Variants in PANK3 observed in about 807,000 individuals in gnomAD.
The protein encoded by PANK3 is hPanK3.
PANK3 carries 20 observed loss-of-function variants against 39.4 expected under a neutral mutation model. The ratio of observed to expected loss-of-function variants is 0.51; its 90% CI spans 0.36 to 0.74. The LOEUF (loss-of-function observed/expected upper bound fraction) is 0.74, where lower values mean the gene tolerates loss of function less well. Ranked by LOEUF, PANK3 falls within the 30% of genes least tolerant of loss-of-function variation. The pLI is 0.00. For synonymous variants in PANK3, 140 were observed against 157.3 expected (o/e 0.89, Z 0.82); for missense variants, 265 against 437.0 (o/e 0.61, Z 3.51).
intron 3 of PANK3, among the ~76,000 whole-genome samples, chr5:168,564,501 A>G (rs767786993): frequency 6.6e-5 from 10 of 152,196 alleles, no homozygotes; most frequent in Non-Finnish European, 1.5e-4. Flanking sequence ...GACCATGATC[A>G]TAGCCTAATG....
intron 6 of PANK3, among the ~76,000 whole-genome samples, chr5:168,558,706 A>G (rs922372302): frequency 1.3e-5 from 2 of 152,226 alleles, no homozygotes; most frequent in Non-Finnish European, 2.9e-5. Context: ...CGAAGGAACC[A>G]ATATTCTACT....
intron 1 of PANK3, among the ~76,000 whole-genome samples, chr5:168,574,027 A>C (rs552652056): frequency 2.0e-5 from 3 of 151,458 alleles, no homozygotes; most frequent in Non-Finnish European, 4.4e-5. Context: ...CTTTGGGTAT[A>C]CACCCAGTAA....
chr5:168,569,373 T>C (rs1759591244), intron 1 of PANK3, among the ~76,000 whole-genome samples: 1 of 151,276 alleles, frequency 6.6e-6, no homozygotes, highest in African/African-American at 2.4e-5. Context: ...TTTGTATTTT[T>C]AGTAGAGACG....
rs1453207868 is a variant in PANK3 at position 168,551,544 on chromosome 5, A to G, written c.*6027T>C. On this transcript the variant is annotated 3_prime_UTR_variant, in exon 7 of 7. Transcript: ENST00000239231. Reference sequence around the variant, plus strand: ...TATGAAAAAACTTTGCTTATAATATACAGAGTGGTTATAAAGAACATATGG... The same window carrying G: ...TATGAAAAAACTTTGCTTATAATATGCAGAGTGGTTATAAAGAACATATGG... The G allele has an allele frequency of 2.6e-5, 4 of 152,216 alleles. No individual in the cohort carries two copies. The highest frequency in any genetic ancestry group is 1.3e-4 in the Admixed American group (2 of 15,282). The allele number at this position is 152,216 out of a possible 1,614,324, so 9.4% of individuals were successfully genotyped here. A position where few individuals can be genotyped will look rare whatever the true frequency, so the allele number is the denominator to read the frequency against.
rs1329716317 is a variant in PANK3 at position 168,551,137 on chromosome 5, G to A, written c.*6434C>T. On this transcript the variant is annotated 3_prime_UTR_variant, in exon 7 of 7. Coordinates refer to ENST00000239231, the MANE Select transcript of PANK3 (RefSeq NM_024594.4). ...TTAGTGATTATTACTAGGCTCAGTA[G>A]AAACCAGAAGACAATTATTCTCTTA... 1 of 152,082 alleles carries A rather than the reference G, an allele frequency of 6.6e-6. No homozygotes were observed. Among genetic ancestry groups the A allele is most frequent in the Non-Finnish European group, 1.5e-5 (1 of 67,982 alleles). 9.4% of individuals were successfully genotyped at this position (152,082 alleles called of 1,614,324 possible). A position where few individuals can be genotyped will look rare whatever the true frequency, so the allele number is the denominator to read the frequency against.
chr5:168,569,525 G>A (rs532242393), intron 1 of PANK3, among the ~76,000 whole-genome samples: 3 of 152,114 alleles, frequency 2.0e-5, no homozygotes, highest in Admixed American at 6.5e-5. Context: ...TTCTAAAAAC[G>A]TATAGGGTGC....
chr5:168,552,896 G>A lies in PANK3; in HGVS notation c.*4675C>T, dbSNP rs1044050882. ...ACAACATTGATTCCAGAGAGCTACT[G>A]AGAGAGCTGGAGCATGATGGAAATG... On this transcript the variant is annotated 3_prime_UTR_variant, in exon 7 of 7. Coordinates refer to ENST00000239231, the MANE Select transcript of PANK3 (RefSeq NM_024594.4). The A allele has an allele frequency of 3.4e-5, 7 of 204,112 alleles. No individual in the cohort carries two copies. The highest frequency in any genetic ancestry group is 7.2e-5 in the Non-Finnish European group (7 of 97,244). 12.6% of individuals were successfully genotyped at this position (204,112 alleles called of 1,614,324 possible). A position where few individuals can be genotyped will look rare whatever the true frequency, so the allele number is the denominator to read the frequency against.
chr5:168,571,593 T>C (rs1365900690), intron 1 of PANK3, among the ~76,000 whole-genome samples: 2 of 152,218 alleles, frequency 1.3e-5, no homozygotes, highest in African/African-American at 4.8e-5. Flanking sequence ...GGCAACAAAA[T>C]ATATTTAACA....
chr5:168,563,026 A>G (rs1025829740), intron 4 of PANK3, among the ~76,000 whole-genome samples: 21 of 152,180 alleles, frequency 1.4e-4, no homozygotes, highest in Admixed American at 2.6e-4. Context: ...AAAAAAAACA[A>G]AAAACCTGAA....
At chr5:168,570,416 G>GAAAGA (rs1759610165) in intron 1 of PANK3, among the ~76,000 whole-genome samples, 1 of 149,826 alleles carries the variant, frequency 6.7e-6, no homozygotes, top group Non-Finnish European at 1.5e-5. Flanking sequence ...AAGAAAGAAA[G>GAAAGA]AAAGAAAATC....
chr5:168,558,671 C>A (rs1759392590), intron 6 of PANK3, among the ~76,000 whole-genome samples: 1 of 152,132 alleles, frequency 6.6e-6, no homozygotes, highest in Admixed American at 6.5e-5. Flanking sequence ...TATTGTAATT[C>A]TCTTCCCCAC....
At position 168,552,082 on chromosome 5, in the gene PANK3, C is replaced by G. The variant is rs1242262807; in HGVS notation, c.*5489G>C. The G allele has an allele frequency of 6.6e-6, 1 of 152,112 alleles. No homozygotes were observed. Among genetic ancestry groups the G allele is most frequent in the East Asian group, 1.9e-4 (1 of 5,190 alleles). 9.4% of individuals were successfully genotyped at this position (152,112 alleles called of 1,614,324 possible). A position where few individuals can be genotyped will look rare whatever the true frequency, so the allele number is the denominator to read the frequency against. On this transcript the variant is annotated 3_prime_UTR_variant, in exon 7 of 7. Transcript: ENST00000239231. ...GTGGTGGTGATGGGAAATTCTATAC[C>G]TTGTGTTGTTTGCCTAGCCTCACAG...
At chr5:168,572,406 C>T (rs187521222) in intron 1 of PANK3, among the ~76,000 whole-genome samples, 331 of 152,056 alleles carry the variant, frequency 2.2e-3, no homozygotes, top group African/African-American at 7.5e-3. Context: ...GGGCTAAGTC[C>T]GAAAAGAGAG....
chr5:168,550,110 T>A lies in PANK3; in HGVS notation c.*7461A>T, dbSNP rs576774561. The A allele has an allele frequency of 1.3e-5, 2 of 152,366 alleles. No individual in the cohort carries two copies. Among genetic ancestry groups the A allele is most frequent in the South Asian group, 4.1e-4 (2 of 4,832 alleles). 9.4% of individuals were successfully genotyped at this position (152,366 alleles called of 1,614,324 possible). A position where few individuals can be genotyped will look rare whatever the true frequency, so the allele number is the denominator to read the frequency against. On this transcript the variant is annotated 3_prime_UTR_variant, in exon 7 of 7. Coordinates refer to ENST00000239231, the MANE Select transcript of PANK3 (RefSeq NM_024594.4). ...TGGGGCAAAAGCAATACACATTCAG[T>A]TAAAAACTGTACTTCAAATTTTGTA... is the stretch of plus-strand genomic sequence containing the variant.
chr5:168,558,715 C>G (rs6877891), intron 6 of PANK3, among the ~76,000 whole-genome samples: 20,060 of 152,194 alleles, frequency 0.13, 1,776 homozygotes, highest in Non-Finnish European at 0.19. Flanking sequence ...CAATATTCTA[C>G]TACTTAAGGC....
chr5:168,563,602 A>G (rs1759478612), intron 4 of PANK3, among the ~76,000 whole-genome samples: 1 of 152,144 alleles, frequency 6.6e-6, no homozygotes, highest in Non-Finnish European at 1.5e-5. Context: ...ATAATGGTAG[A>G]TTACCTTTTG....
At position 168,557,885 on chromosome 5, in the gene PANK3, C is replaced by T. The variant is rs556615398; in HGVS notation, c.1063-264G>A. Among the ~76,000 whole-genome samples, 4 of 152,164 alleles carry T rather than the reference C, an allele frequency of 2.6e-5. No individual in the cohort carries two copies. The East Asian group carries it at 7.7e-4, about 29-fold the overall frequency. On this transcript the variant is annotated intron_variant, in intron 6 of 6. Coordinates refer to ENST00000239231, the MANE Select transcript of PANK3 (RefSeq NM_024594.4). ...ATTTTGCCCAGGCTGGCCTTGAATT[C>T]CTGGGCTCACATGGTCCTCCCATCT...
intron 1 of PANK3, chr5:168,578,674 G>C (rs904875924): frequency 6.6e-6 from 1 of 152,170 alleles, no homozygotes; most frequent in East Asian, 1.9e-4. Context: ...CGGGGAATAC[G>C]GGTGACTTTA....
intron 1 of PANK3, among the ~76,000 whole-genome samples, chr5:168,575,662 T>C (rs1759719044): frequency 6.6e-6 from 1 of 152,162 alleles, no homozygotes; most frequent in East Asian, 1.9e-4. Context: ...GGCAAGCACC[T>C]GTAGTTCTAG....
Sources: gnomAD v4.1 joint callset for allele counts (sites outside exome capture counted in the v4.1 genomes callset) on GRCh38, gnomAD v4.1.1 for gene constraint, MANE v1.5 for transcripts, NCBI Gene and HGNC (gene_info 2026-07-23, HGNC 2026-07-21) for gene names.